The following RHBDD1 variants were observed in gnomAD, a reference collection of about 807,000 sequenced individuals.
RHBDD1 encodes the protein rhomboid-related protein 4.
A neutral mutation model predicts 36.3 loss-of-function variants in RHBDD1; 38 were observed. The ratio of observed to expected loss-of-function variants is 1.05; its 90% CI spans 0.81 to 1.37. The LOEUF (loss-of-function observed/expected upper bound fraction) is 1.37, where lower values mean the gene tolerates loss of function less well. RHBDD1 is among the 40% of genes most tolerant of loss of function. RHBDD1 has a pLI of 0.00. For missense variants in RHBDD1, 393 were observed against 377.6 expected (o/e 1.04, Z -0.34); for synonymous variants, 151 against 136.5 (o/e 1.11, Z -0.74).
chr2:226,829,439 A>C, the RHBDD1 span, among the ~76,000 whole-genome samples: 1 of 152,186 alleles, frequency 6.6e-6, no homozygotes, highest in Non-Finnish European at 1.5e-5. Context: ...TGTGTATTGA[A>C]TGTATAGGTT....
intron 8 of RHBDD1, among the ~76,000 whole-genome samples, chr2:226,931,408 T>A (rs894241532): frequency 1.3e-5 from 2 of 151,976 alleles, no homozygotes; most frequent in Non-Finnish European, 2.9e-5. Flanking sequence ...CCAAATACCA[T>A]ATGTTCTCAC....
At chr2:226,905,093 C>G (rs1947938786) in intron 5 of RHBDD1, among the ~76,000 whole-genome samples, 3 of 151,870 alleles carry the variant, frequency 2.0e-5, no homozygotes, top group South Asian at 2.1e-4. Context: ...TCATAACTTT[C>G]AGTTTCCCAC....
chr2:226,834,984 C>G (rs556047769), upstream of RHBDD1, among the ~76,000 whole-genome samples: 2 of 152,308 alleles, frequency 1.3e-5, no homozygotes, highest in South Asian at 4.1e-4. Context: ...CCATGTTGGC[C>G]AGGCTGGTTT....
At chr2:226,985,030 A>T (rs1337134550) in intron 8 of RHBDD1, among the ~76,000 whole-genome samples, 1 of 152,120 alleles carries the variant, frequency 6.6e-6, no homozygotes, top group Non-Finnish European at 1.5e-5. Context: ...GTACCACCTG[A>T]TTAGGCCTAA....
chr2:226,976,103 A>G (rs1176539961), intron 8 of RHBDD1, among the ~76,000 whole-genome samples: 1 of 151,520 alleles, frequency 6.6e-6, no homozygotes, highest in African/African-American at 2.4e-5. Flanking sequence ...CAAAGCCCCA[A>G]GTTTTTGGTA....
intron 8 of RHBDD1, among the ~76,000 whole-genome samples, chr2:226,955,852 A>G (rs755886559): frequency 6.6e-6 from 1 of 152,140 alleles, no homozygotes; most frequent in Non-Finnish European, 1.5e-5. Context: ...TTACCTCTTT[A>G]GGGCCGAATC....
At chr2:226,858,230 A>C (rs1316549363) in intron 3 of RHBDD1, among the ~76,000 whole-genome samples, 1 of 152,208 alleles carries the variant, frequency 6.6e-6, no homozygotes, top group Non-Finnish European at 1.5e-5. Flanking sequence ...GTTAAATGAA[A>C]CTTACCAAAG....
At chr2:226,838,489 C>G (rs1941250026) in intron 2 of RHBDD1, among the ~76,000 whole-genome samples, 1 of 152,192 alleles carries the variant, frequency 6.6e-6, no homozygotes, top group African/African-American at 2.4e-5. Context: ...ATCCTCCCCA[C>G]TTGAATTTCT....
chr2:226,866,505 C>T (rs1348675879), intron 4 of RHBDD1, among the ~76,000 whole-genome samples: 4 of 152,176 alleles, frequency 2.6e-5, no homozygotes, highest in African/African-American at 7.2e-5. Context: ...TTACCCAGCT[C>T]GGAAGCGATG....
chr2:226,816,659 G>A, the RHBDD1 span, among the ~76,000 whole-genome samples: 7 of 152,188 alleles, frequency 4.6e-5, no homozygotes, highest in African/African-American at 1.7e-4. Context: ...ACTTTGGCGG[G>A]CCAAGGTGGG....
chr2:226,940,217 G>A (rs1440564783), intron 8 of RHBDD1, among the ~76,000 whole-genome samples: 3 of 152,102 alleles, frequency 2.0e-5, no homozygotes, highest in Non-Finnish European at 4.4e-5. Flanking sequence ...CAATACCTCA[G>A]GCAGTACCAT....
intron 8 of RHBDD1, among the ~76,000 whole-genome samples, chr2:226,979,182 C>T (rs975289063): frequency 1.4e-4 from 21 of 152,084 alleles, no homozygotes; most frequent in African/African-American, 4.6e-4. Flanking sequence ...CCCAAGAGGC[C>T]ACTGCTGAAA....
At chr2:226,960,114 T>C (rs571863366) in intron 8 of RHBDD1, among the ~76,000 whole-genome samples, 1 of 152,288 alleles carries the variant, frequency 6.6e-6, no homozygotes, top group East Asian at 1.9e-4. Context: ...TGAGCCACCG[T>C]GCCCGGCCAC....
At position 226,995,893 on chromosome 2, in the gene RHBDD1, G is replaced by T. The variant is rs1327897546; in HGVS notation, c.*371G>T. 5.1e-6 allele frequency: 1 copy of T among 197,294 alleles called. No individual in the cohort carries two copies. The highest frequency in any genetic ancestry group is 1.0e-5 in the Non-Finnish European group (1 of 98,104). The allele number at this position is 197,294 out of a possible 1,614,324, so 12.2% of individuals were successfully genotyped here. A position where few individuals can be genotyped will look rare whatever the true frequency, so the allele number is the denominator to read the frequency against. ...GTCGGGAAGATTAGTCCCTCATTCT[G>T]CCTGGAGTGCCCCGTGTTTGACTTG... On this transcript the variant is annotated 3_prime_UTR_variant, in exon 9 of 9. Coordinates refer to ENST00000392062, the MANE Select transcript of RHBDD1 (RefSeq NM_001167608.3).
chr2:226,977,587 T>G (rs1222531858), intron 8 of RHBDD1, among the ~76,000 whole-genome samples: 1 of 152,188 alleles, frequency 6.6e-6, no homozygotes, highest in Non-Finnish European at 1.5e-5. Flanking sequence ...ATCCTGGCCC[T>G]GTAGCATAAT....
At chr2:226,882,413 A>G (rs374810570) in intron 5 of RHBDD1, among the ~76,000 whole-genome samples, 77 of 145,094 alleles carry the variant, frequency 5.3e-4, no homozygotes, top group African/African-American at 1.9e-3. Flanking sequence ...CTGGGCAACA[A>G]GAGTGAGACT....
chr2:226,994,987 G>C (rs560661230), intron 8 of RHBDD1, among the ~76,000 whole-genome samples: 11 of 152,224 alleles, frequency 7.2e-5, no homozygotes, highest in African/African-American at 2.6e-4. Flanking sequence ...TGGGGCAGGA[G>C]GCGGCACATT....
intron 8 of RHBDD1, among the ~76,000 whole-genome samples, chr2:226,955,092 A>C (rs1951701675): frequency 6.6e-6 from 1 of 151,988 alleles, no homozygotes; most frequent in Non-Finnish European, 1.5e-5. Flanking sequence ...CAGGACCTTG[A>C]GGGCTCAGGG....
intron 6 of RHBDD1, among the ~76,000 whole-genome samples, chr2:226,907,486 A>G (rs1372342547): frequency 1.3e-5 from 2 of 152,212 alleles, no homozygotes; most frequent in African/African-American, 2.4e-5. Flanking sequence ...TTAATTTTCA[A>G]TGCGATTCTC....
Sources: gnomAD v4.1 joint callset for allele counts (sites outside exome capture counted in the v4.1 genomes callset) on GRCh38, gnomAD v4.1.1 for gene constraint, MANE v1.5 for transcripts, NCBI Gene and HGNC (gene_info 2026-07-23, HGNC 2026-07-21) for gene names.